MIA2: variants seen among roughly 807,000 people sequenced by gnomAD.
The protein encoded by MIA2 is melanoma inhibitory activity protein 2.
In MIA2, 127 loss-of-function variants were observed where a neutral mutation model predicts 167.8. The ratio of observed to expected loss-of-function variants is 0.76; its 90% CI spans 0.66 to 0.88. The LOEUF (loss-of-function observed/expected upper bound fraction) is 0.88, where lower values mean the gene tolerates loss of function less well. Among genes scored for constraint, MIA2 ranks in the 40% least tolerant of loss-of-function variants. MIA2 has a pLI of 0.00. For missense variants in MIA2, 1,690 were observed against 1,624.7 expected, an observed-to-expected ratio of 1.04 and a Z score of -0.69; for synonymous variants, 552 against 541.9, an observed-to-expected ratio of 1.02 and a Z score of -0.26.
chr14:39,275,921 T>C (rs2057938469), intron 6 of MIA2, among the ~76,000 whole-genome samples: 1 of 152,128 alleles, frequency 6.6e-6, no homozygotes, highest in Non-Finnish European at 1.5e-5. Context: ...AAGGAGTACA[T>C]ATTTGGATTA....
intron 23 of MIA2, among the ~76,000 whole-genome samples, chr14:39,369,741 C>G (rs2074897286): frequency 6.6e-6 from 1 of 152,168 alleles, no homozygotes; most frequent in African/African-American, 2.4e-5. Flanking sequence ...TCTGCCATCT[C>G]AAAGCTTCAG....
chr14:39,265,543 T>C, intron 6 of MIA2: 1 of 711,902 alleles, frequency 1.4e-6, no homozygotes, highest in South Asian at 1.9e-5. Flanking sequence ...TTTTTCATTT[T>C]ATCCTCTGTC....
At chr14:39,252,316 CA>C (rs1466359682) in intron 4 of MIA2, among the ~76,000 whole-genome samples, 2 of 152,024 alleles carry the variant, frequency 1.3e-5, no homozygotes, top group Non-Finnish European at 2.9e-5. Flanking sequence ...AAGAGGAAGG[CA>C]GGGGTATCAG....
intron 17 of MIA2, among the ~76,000 whole-genome samples, chr14:39,306,544 A>C (rs950521621): frequency 2.6e-5 from 4 of 152,166 alleles, no homozygotes; most frequent in African/African-American, 9.7e-5. Flanking sequence ...CCCTTGGTCC[A>C]ATCACCTCCC....
chr14:39,247,057 A>C lies in MIA2; in HGVS notation c.483A>C (p.Ile161=). Residue 161 remains isoleucine (I), a synonymous_variant, in exon 4 of 29, where the codon ATA becomes ATC. Coordinates refer to ENST00000640607, the MANE Select transcript of MIA2 (RefSeq NM_001329214.4). The stretch of plus-strand genomic sequence containing the variant: ...GTATATATGAAAGTGATTTTCAGAT[A>C]GAACCTGGATTTTATGCAACTTATG... ...KSSIYESDFQ[I]EPGFYATYES... 6.2e-7 allele frequency: 1 copy of C among 1,606,106 alleles called. No homozygotes were observed. Among genetic ancestry groups the C allele is most frequent in the South Asian group, 1.1e-5 (1 of 88,914 alleles).
intron 23 of MIA2, among the ~76,000 whole-genome samples, chr14:39,356,917 A>T (rs943288919): frequency 3.3e-5 from 5 of 152,016 alleles, no homozygotes; most frequent in South Asian, 2.1e-4. Context: ...GTCTGAGAGA[A>T]AGTTTGTTAT....
rs377714611 is a variant in MIA2 at position 39,247,869 on chromosome 14, T to C, written c.1295T>C (p.Ile432Thr). 10 of 1,589,260 alleles carry C rather than the reference T, an allele frequency of 6.3e-6. No homozygotes were observed. The African/African-American group carries it at 1.4e-4, about 22-fold the overall frequency. ...EKEQEIETIK[I>T]IETEDQIDKK... ...GAACAAGAAATAGAAACGATAAAAATTATAGAAACAGAAGATCAAATAGAC... is the reference window on the plus strand; with the variant it reads ...GAACAAGAAATAGAAACGATAAAAACTATAGAAACAGAAGATCAAATAGAC... The change falls in exon 4 of 29, where the codon ATT (isoleucine) becomes ACT (threonine). Residue 432 changes from isoleucine (I) to threonine (T), a missense_variant. Transcript: ENST00000640607.
At chr14:39,254,492 A>G (rs143755757) in intron 6 of MIA2, among the ~76,000 whole-genome samples, 229 of 152,364 alleles carry the variant, frequency 1.5e-3, no homozygotes, top group African/African-American at 5.2e-3. Flanking sequence ...TCCAGTCAAG[A>G]AGCTGTTGCA....
At chr14:39,248,291 A>G in intron 4 of MIA2, 150 bp downstream of exon 4, 1 of 474,240 alleles carries the variant, frequency 2.1e-6, no homozygotes, top group Non-Finnish European at 3.2e-6. Context: ...TGGAATTTAG[A>G]TCTTAATATT....
intron 11 of MIA2, among the ~76,000 whole-genome samples, 153 bp from the exon 12 acceptor site, chr14:39,293,847 C>T (rs1015586510): frequency 1.3e-5 from 2 of 152,032 alleles, no homozygotes; most frequent in African/African-American, 4.8e-5. Context: ...ATATAAAATC[C>T]CTTTTAGCAT....
At chr14:39,280,732 A>AAAACAAAC (rs549743260) in intron 9 of MIA2, among the ~76,000 whole-genome samples, 2,885 of 151,680 alleles carry the variant, frequency 0.019, 100 homozygotes, top group African/African-American at 0.064. Flanking sequence ...ACTCCTTCTC[A>AAAACAAAC]AAACAAACAA....
chr14:39,252,677 A>G (rs2054633175), intron 4 of MIA2, 71 bp from the exon 5 acceptor site: 6 of 1,187,562 alleles, frequency 5.1e-6, no homozygotes, highest in East Asian at 2.3e-5. Flanking sequence ...TGACCTGCCT[A>G]GAAAACAAAA....
intron 2 of MIA2, 136 bp from the exon 3 acceptor site, chr14:39,240,425 A>G (rs548217886): frequency 3.8e-6 from 2 of 524,120 alleles, no homozygotes; most frequent in East Asian, 3.2e-5. Context: ...ACTCTTTTTT[A>G]TATGGAAATT....
At chr14:39,378,514 A>G (rs1442389566) in intron 23 of MIA2, among the ~76,000 whole-genome samples, 1 of 151,776 alleles carries the variant, frequency 6.6e-6, no homozygotes, top group Admixed American at 6.6e-5. Flanking sequence ...TCAAAGTAAA[A>G]CAACAATTGT....
intron 6 of MIA2, 152 bp downstream of exon 6, chr14:39,253,323 T>A: frequency 2.9e-6 from 3 of 1,019,532 alleles, no homozygotes; most frequent in Non-Finnish European, 4.4e-6. Flanking sequence ...TTTCTCTTTA[T>A]ATGAATGTTT....
intron 17 of MIA2, among the ~76,000 whole-genome samples, chr14:39,305,834 G>T (rs887307801): frequency 5.3e-5 from 8 of 151,926 alleles, no homozygotes; most frequent in African/African-American, 1.5e-4. Flanking sequence ...TGCTTGGGAG[G>T]CTGAGGCACG....
chr14:39,321,080 T>G (rs1566912675), intron 24 of MIA2, 24 bp downstream of exon 24: 1 of 1,587,318 alleles, frequency 6.3e-7, no homozygotes, highest in South Asian at 1.2e-5. Context: ...ACATCTTTAT[T>G]ACTCTAGATT....
intron 23 of MIA2, among the ~76,000 whole-genome samples, chr14:39,373,205 A>G (rs919699556): frequency 6.6e-6 from 1 of 151,874 alleles, no homozygotes; most frequent in African/African-American, 2.4e-5. Context: ...CTAAGAAAAT[A>G]TTCCAGCATG....
intron 23 of MIA2, among the ~76,000 whole-genome samples, chr14:39,378,582 G>T (rs1055210603): frequency 2.0e-5 from 3 of 152,178 alleles, no homozygotes; most frequent in Non-Finnish European, 4.4e-5. Context: ...AGGAAATTTA[G>T]TTACTTCTTT....
Sources: gnomAD v4.1 joint callset for allele counts (sites outside exome capture counted in the v4.1 genomes callset) on GRCh38, gnomAD v4.1.1 for gene constraint, MANE v1.5 for transcripts, NCBI Gene and HGNC (gene_info 2026-07-23, HGNC 2026-07-21) for gene names.